Variants in PCDHA5 observed in about 807,000 individuals in gnomAD.
PCDHA5 encodes protocadherin alpha 5, also known as protocadherin alpha-5.
A neutral mutation model predicts 61.6 loss-of-function variants in PCDHA5; 43 were observed. The ratio of observed to expected loss-of-function variants is 0.70; its 90% CI spans 0.55 to 0.90. The LOEUF is 0.90. Among genes scored for constraint, PCDHA5 ranks in the 40% least tolerant of loss-of-function variants. The probability of loss-of-function intolerance (pLI) is 0.00; values close to 1 mark genes in which losing one functional copy is unlikely to be tolerated. For synonymous variants in PCDHA5, 627 were observed against 543.9 expected (o/e 1.15, Z -2.13); for missense variants, 1,298 against 1,222.7 (o/e 1.06, Z -0.92).
At chr5:140,955,480 C>T (rs940139413) in intron 1 of PCDHA5, among the ~76,000 whole-genome samples, 3 of 152,088 alleles carry the variant, frequency 2.0e-5, no homozygotes, top group African/African-American at 7.2e-5. Flanking sequence ...GGCACCTCTC[C>T]TTCCTGCCAC....
At chr5:140,958,484 G>A (rs246009) in intron 1 of PCDHA5, among the ~76,000 whole-genome samples, 85,541 of 151,786 alleles carry the variant, frequency 0.56, 24,705 homozygotes, top group African/African-American at 0.69. Flanking sequence ...AGAGCACTAA[G>A]TCCACATATC....
intron 1 of PCDHA5, among the ~76,000 whole-genome samples, chr5:140,907,242 T>A (rs532344223): frequency 6.6e-6 from 1 of 152,328 alleles, no homozygotes; most frequent in African/African-American, 2.4e-5. Flanking sequence ...TAGTTGACAT[T>A]GTAATTGTGA....
At chr5:140,949,663 T>C (rs1038571728) in intron 1 of PCDHA5, among the ~76,000 whole-genome samples, 2 of 151,872 alleles carry the variant, frequency 1.3e-5, no homozygotes, top group Non-Finnish European at 3.0e-5. Flanking sequence ...TTTGTTTCTT[T>C]AAAGTATGCC....
chr5:140,854,663 C>G (rs1359601461), intron 1 of PCDHA5: 1 of 149,774 alleles, frequency 6.7e-6, no homozygotes, highest in Non-Finnish European at 1.5e-5. Context: ...TAAATTAACC[C>G]TTGCATAAGA....
rs57893927 is a variant in PCDHA5 at position 140,946,631 on chromosome 5, T to TATATATAC, written c.2353-32317_2353-32316insTATATACA. Among the ~76,000 whole-genome samples the TATATATAC allele has an allele frequency of 9.9e-4, 130 of 131,716 alleles. 1 individual carries two copies. The highest frequency in any genetic ancestry group is 2.9e-3 in the East Asian group (14 of 4,862). 86.4% of individuals were successfully genotyped at this position (131,716 alleles called of 152,430 possible). A position where few individuals can be genotyped will look rare whatever the true frequency, so the allele number is the denominator to read the frequency against. ...TGTGAAATATATATATATATATATA[T>TATATATAC]ACAATGGAATACTCATCAGCCATTA... On this transcript the variant is annotated intron_variant, in intron 1 of 3. Coordinates refer to ENST00000529859, the MANE Select transcript of PCDHA5 (RefSeq NM_018908.3).
intron 1 of PCDHA5, among the ~76,000 whole-genome samples, chr5:140,895,090 T>A (rs2064836305): frequency 6.6e-6 from 1 of 152,190 alleles, no homozygotes; most frequent in Non-Finnish European, 1.5e-5. Flanking sequence ...CTCCTCAGTA[T>A]AGGGGTTTTT....
intron 3 of PCDHA5, among the ~76,000 whole-genome samples, chr5:140,984,397 G>A (rs1400095442): frequency 1.3e-5 from 2 of 152,112 alleles, no homozygotes; most frequent in African/African-American, 4.8e-5. Context: ...AAAATGTTGA[G>A]AACCTATCTT....
At chr5:140,836,109 G>T (rs2150253080) in intron 1 of PCDHA5, 6 of 1,613,610 alleles carry the variant, frequency 3.7e-6, no homozygotes, top group Non-Finnish European at 5.1e-6. Context: ...CACTGGTGGC[G>T]CAGTGAGAGA....
At chr5:141,002,333 G>A (rs782123745) in intron 3 of PCDHA5, among the ~76,000 whole-genome samples, 15 of 152,314 alleles carry the variant, frequency 9.8e-5, no homozygotes, top group Non-Finnish European at 1.8e-4. Flanking sequence ...GGCTGCATCC[G>A]CACCCCTTCC....
At chr5:140,865,810 T>A (rs1350387651) in intron 1 of PCDHA5, 1 of 152,186 alleles carries the variant, frequency 6.6e-6, no homozygotes, top group Non-Finnish European at 1.5e-5. Flanking sequence ...CATTCTTTTA[T>A]CCACTATAAT....
At chr5:140,998,850 A>T (rs904977478) in intron 3 of PCDHA5, among the ~76,000 whole-genome samples, 1 of 152,234 alleles carries the variant, frequency 6.6e-6, no homozygotes, top group African/African-American at 2.4e-5. Context: ...GGTGTGAGCC[A>T]CATGCCTGGC....
chr5:140,909,550 A>C (rs549281873), intron 1 of PCDHA5, among the ~76,000 whole-genome samples: 2 of 152,232 alleles, frequency 1.3e-5, no homozygotes, highest in East Asian at 3.9e-4. Context: ...GGTGGCACTA[A>C]TCTCTGCAAC....
At chr5:140,927,165 T>A in intron 1 of PCDHA5, 1 of 1,614,164 alleles carries the variant, frequency 6.2e-7, no homozygotes, top group Non-Finnish European at 8.5e-7. Context: ...GGGCCAAAGC[T>A]GCCTGCGTCT....
At chr5:140,872,402 G>A (rs1272057866) in intron 1 of PCDHA5, among the ~76,000 whole-genome samples, 3 of 152,128 alleles carry the variant, frequency 2.0e-5, no homozygotes, top group African/African-American at 7.2e-5. Flanking sequence ...TGAGGCAGGA[G>A]AATTGCTTGA....
chr5:140,981,985 G>C (rs1554243637), intron 2 of PCDHA5, among the ~76,000 whole-genome samples: 1 of 152,162 alleles, frequency 6.6e-6, no homozygotes, highest in Non-Finnish European at 1.5e-5. Context: ...GAGTAAAATA[G>C]AAAATAAGGT....
chr5:140,932,607 T>C (rs555006363), intron 1 of PCDHA5, among the ~76,000 whole-genome samples: 8 of 152,052 alleles, frequency 5.3e-5, no homozygotes, highest in Non-Finnish European at 7.4e-5. Flanking sequence ...CTATTTTGAC[T>C]TTGAAGCTGA....
At chr5:140,871,783 G>C (rs1460496699) in intron 1 of PCDHA5, among the ~76,000 whole-genome samples, 3 of 152,196 alleles carry the variant, frequency 2.0e-5, no homozygotes, top group African/African-American at 7.2e-5. Flanking sequence ...GTAGTCACTT[G>C]AGTAGAAATA....
intron 1 of PCDHA5, among the ~76,000 whole-genome samples, chr5:140,954,919 C>T (rs246021): frequency 4.6e-5 from 7 of 151,890 alleles, no homozygotes; most frequent in African/African-American, 1.7e-4. Flanking sequence ...TTATGAATTA[C>T]GTCTTTAATT....
chr5:141,009,690 T>G lies in PCDHA5; in HGVS notation c.2564T>G (p.Phe855Cys). The G allele has an allele frequency of 6.2e-7, 1 of 1,614,068 alleles. No homozygotes were observed. The highest frequency in any genetic ancestry group is 8.5e-7 in the Non-Finnish European group (1 of 1,180,024). The change falls in exon 4 of 4, where the codon TTT (phenylalanine) becomes TGT (cysteine). Residue 855 changes from phenylalanine to cysteine, a missense_variant. Phe to Cys is a radical substitution (Grantham distance 205). Coordinates refer to ENST00000529859, the MANE Select transcript of PCDHA5 (RefSeq NM_018908.3). ...GGTGTCAACAGCAACAGCTGGACCT[T>G]TAAATACGGACCAGGCAACCCCAAA... ...GAGVNSNSWT[F>C]KYGPGNPKQS...
Sources: gnomAD v4.1 joint callset for allele counts (sites outside exome capture counted in the v4.1 genomes callset) on GRCh38, gnomAD v4.1.1 for gene constraint, MANE v1.5 for transcripts, NCBI Gene and HGNC (gene_info 2026-07-23, HGNC 2026-07-21) for gene names.